Variants in CASP6 observed in about 807,000 individuals in gnomAD.
CASP6 encodes the protein caspase-6.
A neutral mutation model predicts 31.8 loss-of-function variants in CASP6; 20 were observed. That is an observed-to-expected ratio of 0.63 (90% confidence interval 0.44 to 0.91). CASP6 has a LOEUF of 0.91. Among genes scored for constraint, CASP6 ranks in the 40% least tolerant of loss-of-function variants. The pLI is 0.00. For missense variants in CASP6, 328 were observed against 361.1 expected (o/e 0.91, Z 0.74); for synonymous variants, 130 against 127.8 (o/e 1.02, Z -0.12).
chr4:109,704,641 G>C (rs1438426371), upstream of CASP6, among the ~76,000 whole-genome samples: 1 of 152,208 alleles, frequency 6.6e-6, no homozygotes, highest in Non-Finnish European at 1.5e-5. Flanking sequence ...TGAAGCAGCA[G>C]GTGCTAACGT....
upstream of CASP6, chr4:109,703,527 G>C: frequency 8.5e-7 from 1 of 1,177,488 alleles, no homozygotes; most frequent in Non-Finnish European, 1.2e-6. Context: ...AGTTGGTTCT[G>C]ATTGCGCGCC....
the CASP6 span, among the ~76,000 whole-genome samples, chr4:109,667,030 A>C: frequency 1.3e-5 from 2 of 152,022 alleles, no homozygotes; most frequent in South Asian, 4.2e-4. Context: ...TTCACGAGAG[A>C]TATTGGTCTG....
the CASP6 span, chr4:109,681,309 G>T: frequency 3.8e-6 from 1 of 266,292 alleles, no homozygotes; most frequent in Non-Finnish European, 7.8e-6. Flanking sequence ...TTGTGGAAAA[G>T]CAAATAAGTT....
chr4:109,707,825 C>T (rs1187737905), upstream of CASP6, among the ~76,000 whole-genome samples: 3 of 152,048 alleles, frequency 2.0e-5, no homozygotes, highest in Non-Finnish European at 4.4e-5. Context: ...AAATAGCAGC[C>T]AAACAGTGTG....
At chr4:109,682,849 CT>C in the CASP6 span, 1 of 808,286 alleles carries the variant, frequency 1.2e-6, no homozygotes, top group Non-Finnish European at 1.9e-6. Context: ...TAATTTTCTC[CT>C]TTACGCCTCA....
At chr4:109,703,300 T>A in intron 1 of CASP6, 56 bp downstream of exon 1, 1 of 1,571,938 alleles carries the variant, frequency 6.4e-7, no homozygotes, top group Non-Finnish European at 8.6e-7. Context: ...TCGTTTCCCC[T>A]CCAGCCGGAG....
At chr4:109,677,802 A>ATTTTTT in the CASP6 span, among the ~76,000 whole-genome samples, 8 of 86,584 alleles carry the variant, frequency 9.2e-5, no homozygotes, top group African/African-American at 3.3e-4. Context: ...AAGGAAACAA[A>ATTTTTT]TTTTTTTTTT....
At chr4:109,668,350 G>A in the CASP6 span, among the ~76,000 whole-genome samples, 4 of 152,046 alleles carry the variant, frequency 2.6e-5, no homozygotes, top group Non-Finnish European at 5.9e-5. Context: ...GCATTGTTCT[G>A]TCTTCTTGGA....
At chr4:109,672,530 G>C in the CASP6 span, among the ~76,000 whole-genome samples, 10 of 152,296 alleles carry the variant, frequency 6.6e-5, no homozygotes, top group African/African-American at 2.2e-4. Flanking sequence ...GTAGGAGGAA[G>C]AAATTCATAA....
At chr4:109,705,279 T>C (rs1389364620), upstream of CASP6, among the ~76,000 whole-genome samples, 4 of 152,202 alleles carry the variant, frequency 2.6e-5, no homozygotes, top group Admixed American at 2.0e-4. Flanking sequence ...ACAGCATGGC[T>C]TAGAGAATAT....
downstream of CASP6, among the ~76,000 whole-genome samples, chr4:109,686,645 G>A (rs1419575048): frequency 6.6e-6 from 1 of 152,202 alleles, no homozygotes; most frequent in Non-Finnish European, 1.5e-5. Context: ...GGAGGCTGAG[G>A]TGGGAGGATC....
chr4:109,690,767 T>C, intron 6 of CASP6, 83 bp downstream of exon 6: 1 of 1,432,652 alleles, frequency 7.0e-7, no homozygotes. Context: ...AACCGAAAGA[T>C]CTGACCCAAA....
upstream of CASP6, among the ~76,000 whole-genome samples, chr4:109,704,229 T>C (rs188762030): frequency 1.0e-3 from 158 of 152,246 alleles, no homozygotes; most frequent in East Asian, 2.1e-3. Flanking sequence ...AAAGCAAACA[T>C]GATTAAGTTA....
At chr4:109,694,896 G>A (rs577758748) in intron 4 of CASP6, among the ~76,000 whole-genome samples, 196 bp from the exon 5 acceptor site, 3 of 152,224 alleles carry the variant, frequency 2.0e-5, no homozygotes, top group South Asian at 4.2e-4. Flanking sequence ...GCAGTGGCGC[G>A]ATCTTGGCTC....
the CASP6 span, chr4:109,674,160 T>C: frequency 1.0e-6 from 1 of 977,882 alleles, no homozygotes; most frequent in Middle Eastern, 3.1e-4. Flanking sequence ...GAGCTTGCTT[T>C]AGTTAGACGT....
rs1730291201 is a variant in CASP6 at position 109,697,737 on chromosome 4, T to C, written c.115A>G (p.Met39Val). The change falls in exon 3 of 7, where the codon ATG becomes GTG. Residue 39 changes from methionine (M) to valine (V), a missense_variant. Coordinates refer to ENST00000265164, the MANE Select transcript of CASP6 (RefSeq NM_001226.4). ...GCAATTCCTCTCCTCCTGTGGTCCA[T>C]TTTGTACTTTTCTGCCGGATCAAAC... Reference protein sequence around the residue: ...EMFDPAEKYKMDHRRRGIALI... With the variant: ...EMFDPAEKYKVDHRRRGIALI... 1.2e-6 allele frequency: 2 copies of C among 1,613,680 alleles called. No individual in the cohort carries two copies. The highest frequency in any genetic ancestry group is 8.5e-7 in the Non-Finnish European group (1 of 1,179,894).
chr4:109,684,396 G>A (rs748218357), downstream of CASP6: 4 of 1,456,726 alleles, frequency 2.7e-6, no homozygotes, highest in South Asian at 5.1e-5. Flanking sequence ...TGTCCCTTTA[G>A]TTGGTGTATT....
intron 1 of CASP6, among the ~76,000 whole-genome samples, chr4:109,699,656 A>T (rs1480423449): frequency 6.6e-6 from 1 of 152,140 alleles, no homozygotes; most frequent in African/African-American, 2.4e-5. Context: ...ATTTTTCACA[A>T]AGTGATTTTT....
At chr4:109,669,191 A>G in the CASP6 span, among the ~76,000 whole-genome samples, 1 of 152,126 alleles carries the variant, frequency 6.6e-6, no homozygotes. Flanking sequence ...ACTTCTTTTA[A>G]TATTTCTTGC....
Sources: allele counts gnomAD v4.1 joint callset (sites outside exome capture counted in the v4.1 genomes callset), GRCh38; gene constraint gnomAD v4.1.1; transcripts MANE v1.5; gene names NCBI Gene and HGNC (gene_info 2026-07-23, HGNC 2026-07-21).